DLGAP1: variants seen among roughly 807,000 people sequenced by gnomAD.
The protein encoded by DLGAP1 is disks large-associated protein 1.
Under a neutral mutation model 90.8 loss-of-function variants are expected in DLGAP1, and 11 were observed. The ratio of observed to expected loss-of-function variants is 0.12; its 90% CI spans 0.08 to 0.20. The LOEUF is 0.20. Ranked by LOEUF, DLGAP1 falls within the 10% of genes least tolerant of loss-of-function variation. The pLI is 1.00. For synonymous variants in DLGAP1, 558 were observed against 540.7 expected (o/e 1.03, Z -0.44); for missense variants, 1,050 against 1,333.8 (o/e 0.79, Z 3.31).
At chr18:3,728,472 T>C (rs1434648741) in intron 7 of DLGAP1, among the ~76,000 whole-genome samples, 2 of 152,052 alleles carry the variant, frequency 1.3e-5, no homozygotes, top group Non-Finnish European at 2.9e-5. Flanking sequence ...TGTGTCTCCG[T>C]GCCTAAAATC....
rs556944418 is a variant in DLGAP1, at chr18:4,402,612, A to G, written c.-267+52394T>C. Among the ~76,000 whole-genome samples the G allele has an allele frequency of 7.9e-5, 12 of 152,140 alleles. No individual in the cohort carries two copies. The East Asian group carries it at 2.3e-3, about 29-fold the overall frequency. On this transcript the variant is annotated intron_variant, in intron 1 of 12. Transcript: ENST00000315677. The stretch of plus-strand genomic sequence containing the variant: ...ACATCAGAATCGGATCTCAAAGCCA[A>G]TTTTTTTTAACATTAGGATGTTACC...
At chr18:4,087,832 T>C (rs1043935550) in intron 2 of DLGAP1, among the ~76,000 whole-genome samples, 4 of 151,248 alleles carry the variant, frequency 2.6e-5, no homozygotes, top group Non-Finnish European at 5.9e-5. Context: ...AAAATGGGTT[T>C]CATGTGAACT....
chr18:4,401,450 A>AT (rs539238267), intron 1 of DLGAP1, among the ~76,000 whole-genome samples: 174 of 152,086 alleles, frequency 1.1e-3, no homozygotes, highest in Non-Finnish European at 2.0e-3. Flanking sequence ...ATGAGAAAGT[A>AT]TTTTTTTTCC....
chr18:4,033,630 C>A lies in DLGAP1; in HGVS notation c.-158-28429G>T, dbSNP rs182550098. ...AGCATATGCATTTTCTATATCTCTGCCAAAATATTTCTATTATCAAATTTA... is the reference window on the plus strand; with the variant it reads ...AGCATATGCATTTTCTATATCTCTGACAAAATATTTCTATTATCAAATTTA... On this transcript the variant is annotated intron_variant, in intron 2 of 12. Coordinates refer to ENST00000315677, the MANE Select transcript of DLGAP1 (RefSeq NM_004746.4). 2.0e-5 allele frequency among the ~76,000 whole-genome samples: 3 copies of A among 152,096 alleles called. No homozygotes were observed. The East Asian group carries it at 5.8e-4, about 29-fold the overall frequency.
chr18:4,124,149 A>T (rs1027952642), intron 2 of DLGAP1, among the ~76,000 whole-genome samples: 2 of 152,168 alleles, frequency 1.3e-5, no homozygotes, highest in African/African-American at 4.8e-5. Flanking sequence ...TGAGTATCTG[A>T]CATTGCTTCT....
intron 5 of DLGAP1, among the ~76,000 whole-genome samples, chr18:3,790,461 G>A (rs1025054963): frequency 6.6e-6 from 1 of 151,576 alleles, no homozygotes; most frequent in East Asian, 1.9e-4. Context: ...TAGAGATGGG[G>A]TCTTGCTATG....
At chr18:3,933,986 T>TA (rs1436208260) in intron 3 of DLGAP1, among the ~76,000 whole-genome samples, 1 of 152,132 alleles carries the variant, frequency 6.6e-6, no homozygotes, top group Non-Finnish European at 1.5e-5. Context: ...TGGAGGCCAT[T>TA]AAACATTAAA....
At chr18:4,058,514 G>A (rs2075254896) in intron 2 of DLGAP1, among the ~76,000 whole-genome samples, 1 of 152,150 alleles carries the variant, frequency 6.6e-6, no homozygotes, top group African/African-American at 2.4e-5. Flanking sequence ...AGCCTTTTAA[G>A]GGCCCTGCCT....
At chr18:3,740,311 A>G (rs1312319891) in intron 6 of DLGAP1, among the ~76,000 whole-genome samples, 1 of 152,148 alleles carries the variant, frequency 6.6e-6, no homozygotes, top group Non-Finnish European at 1.5e-5. Context: ...CAAGTCCAAA[A>G]TGCACCAAAA....
At chr18:4,341,579 G>C (rs987855925) in intron 1 of DLGAP1, among the ~76,000 whole-genome samples, 1 of 152,124 alleles carries the variant, frequency 6.6e-6, no homozygotes, top group Non-Finnish European at 1.5e-5. Context: ...GGTACACTAA[G>C]AGTATACTCA....
intron 2 of DLGAP1, among the ~76,000 whole-genome samples, chr18:4,065,722 A>G (rs547757491): frequency 6.6e-6 from 1 of 152,232 alleles, no homozygotes; most frequent in Non-Finnish European, 1.5e-5. Context: ...GGAAAAATCA[A>G]TGTCATTAAA....
chr18:4,215,960 T>C (rs2077945433), intron 1 of DLGAP1, among the ~76,000 whole-genome samples: 1 of 152,110 alleles, frequency 6.6e-6, no homozygotes. Context: ...CCTGAAGCAA[T>C]TTTAGAACAC....
At chr18:4,219,211 C>A (rs185550301) in intron 1 of DLGAP1, among the ~76,000 whole-genome samples, 5 of 151,548 alleles carry the variant, frequency 3.3e-5, no homozygotes, top group Admixed American at 2.6e-4. Context: ...TTTTAATTTG[C>A]GTTTCTCTAA....
intron 3 of DLGAP1, among the ~76,000 whole-genome samples, chr18:3,987,285 C>G (rs2073862626): frequency 6.6e-6 from 1 of 152,134 alleles, no homozygotes; most frequent in African/African-American, 2.4e-5. Flanking sequence ...CTCTTCCAGG[C>G]CTACTCACTG....
chr18:3,990,048 G>A (rs528965050), intron 3 of DLGAP1, among the ~76,000 whole-genome samples: 6 of 152,118 alleles, frequency 3.9e-5, no homozygotes, highest in Non-Finnish European at 8.8e-5. Flanking sequence ...CTGTAAACTA[G>A]TTCAACCATT....
intron 4 of DLGAP1, among the ~76,000 whole-genome samples, chr18:3,861,500 C>T (rs753478465): frequency 6.6e-6 from 1 of 152,160 alleles, no homozygotes; most frequent in Non-Finnish European, 1.5e-5. Context: ...ACTCCCCTGA[C>T]TTTTATATAA....
intron 3 of DLGAP1, among the ~76,000 whole-genome samples, chr18:3,943,957 C>T (rs992010865): frequency 1.3e-5 from 2 of 152,178 alleles, no homozygotes; most frequent in Non-Finnish European, 2.9e-5. Context: ...AACAACTCAA[C>T]CCTGTGAACG....
chr18:4,182,017 G>A (rs529933902), intron 1 of DLGAP1, among the ~76,000 whole-genome samples: 23 of 152,206 alleles, frequency 1.5e-4, no homozygotes, highest in African/African-American at 5.3e-4. Context: ...CAGTTGGCAT[G>A]GTGGGGACTG....
chr18:4,381,302 G>T (rs753676197), intron 1 of DLGAP1, among the ~76,000 whole-genome samples: 1 of 152,062 alleles, frequency 6.6e-6, no homozygotes, highest in East Asian at 1.9e-4. Flanking sequence ...TGAACAATCT[G>T]ATAACTATTC....
Sources: allele counts gnomAD v4.1 joint callset (sites outside exome capture counted in the v4.1 genomes callset), GRCh38; gene constraint gnomAD v4.1.1; transcripts MANE v1.5; gene names NCBI Gene and HGNC (gene_info 2026-07-23, HGNC 2026-07-21).